Variants in MIER1 observed in about 807,000 individuals in gnomAD.
The protein encoded by MIER1 is MIER1 transcriptional regulator.
A neutral mutation model predicts 75.7 loss-of-function variants in MIER1; 40 were observed. The observed-to-expected ratio is 0.53, with a 90% CI of 0.41 to 0.69. The LOEUF is 0.69. Ranked by LOEUF, MIER1 falls within the 30% of genes least tolerant of loss-of-function variation. The pLI, the probability that MIER1 is intolerant of heterozygous loss-of-function variation, is 0.00. For synonymous variants in MIER1, 213 were observed against 223.4 expected, an observed-to-expected ratio of 0.95 and a Z score of 0.42; for missense variants, 574 against 680.2, an observed-to-expected ratio of 0.84 and a Z score of 1.74.
chr1:66,970,751 A>T (rs763780813), intron 8 of MIER1, 57 bp from the exon 9 acceptor site: 1 of 1,328,072 alleles, frequency 7.5e-7, no homozygotes, highest in Non-Finnish European at 1.0e-6. Flanking sequence ...AATATGTTTT[A>T]ACACAAACTC....
In MIER1 at chr1:66,987,612, C is replaced by G. The variant is rs1022522321; in HGVS notation, c.*2712C>G. The G allele has an allele frequency of 6.6e-6, 1 of 152,556 alleles. No individual in the cohort carries two copies. Among genetic ancestry groups the G allele is most frequent in the Non-Finnish European group, 1.5e-5 (1 of 67,990 alleles). The allele number at this position is 152,556 out of a possible 1,614,324, so 9.5% of individuals were successfully genotyped here. A position where few individuals can be genotyped will look rare whatever the true frequency, so the allele number is the denominator to read the frequency against. ...TTGCACTGTAAAATAATTCCCTTCT[C>G]CCATTCCTTGTCTGCCATTCTGAAT... is the stretch of plus-strand genomic sequence containing the variant. On this transcript the variant is annotated 3_prime_UTR_variant, in exon 14 of 14. Transcript: ENST00000401041.
At chr1:66,953,746 T>G (rs1659513669) in intron 4 of MIER1, among the ~76,000 whole-genome samples, 1 of 151,724 alleles carries the variant, frequency 6.6e-6, no homozygotes, top group Non-Finnish European at 1.5e-5. Context: ...TGGGATTACA[T>G]GCCCACACCA....
chr1:66,937,858 C>T (rs1655282999), intron 2 of MIER1, among the ~76,000 whole-genome samples: 1 of 152,146 alleles, frequency 6.6e-6, no homozygotes, highest in African/African-American at 2.4e-5. Context: ...AATCTAATCT[C>T]AATCCTACCC....
At chr1:66,967,696 T>G (rs890229828) in intron 8 of MIER1, among the ~76,000 whole-genome samples, 2 of 151,982 alleles carry the variant, frequency 1.3e-5, no homozygotes, top group Non-Finnish European at 2.9e-5. Context: ...TATTTTATAG[T>G]TGTCATTATG....
At position 66,976,625 on chromosome 1, in the gene MIER1, G is replaced by T; in HGVS notation, c.1132G>T (p.Ala378Ser). Residue 378 changes from alanine (A) to serine (S), a missense_variant, in exon 12 of 14, where the codon GCA becomes TCA. Physicochemically the swap from Ala to Ser is moderately conservative, Grantham distance 99. Coordinates refer to ENST00000401041, the MANE Select transcript of MIER1 (RefSeq NM_001077700.3). ...AACAAGGTCAGTTGGTGAATGTGTA[G>T]CATTCTATTACATGTGGAAAAAATC... ...VRTRSVGECV[A>S]FYYMWKKSER... 2.5e-6 allele frequency: 4 copies of T among 1,604,322 alleles called. No homozygotes were observed. Among genetic ancestry groups the T allele is most frequent in the Non-Finnish European group, 3.4e-6 (4 of 1,176,110 alleles).
In MIER1 at chr1:66,985,882, G is replaced by A; in HGVS notation, c.*982G>A. ...AGTAATTTGAGAATTCTGAAATTAA[G>A]CATGATGCTTAGATTGCAGTTTGTT... On this transcript the variant is annotated 3_prime_UTR_variant, in exon 14 of 14. Coordinates refer to ENST00000401041, the MANE Select transcript of MIER1 (RefSeq NM_001077700.3). 1 of 908,492 alleles carries A rather than the reference G, an allele frequency of 1.1e-6. No individual in the cohort carries two copies. The highest frequency in any genetic ancestry group is 1.3e-6 in the Non-Finnish European group (1 of 765,612). The allele number at this position is 908,492 out of a possible 1,614,324, so 56.3% of individuals were successfully genotyped here.
intron 4 of MIER1, among the ~76,000 whole-genome samples, chr1:66,953,528 TACTC>T (rs1279381474): frequency 6.6e-6 from 1 of 152,176 alleles, no homozygotes; most frequent in Non-Finnish European, 1.5e-5. Flanking sequence ...AAGCTGATAT[TACTC>T]ACTTGATATT....
At chr1:66,946,375 G>A (rs1657640756) in intron 4 of MIER1, 80 bp downstream of exon 4, 2 of 1,464,856 alleles carry the variant, frequency 1.4e-6, no homozygotes, top group East Asian at 2.5e-5. Context: ...TTGATTCTCT[G>A]ATTAGGAGAG....
At chr1:66,934,474 A>G (rs1654253055) in intron 2 of MIER1, among the ~76,000 whole-genome samples, 1 of 145,312 alleles carries the variant, frequency 6.9e-6, no homozygotes, top group Admixed American at 7.1e-5. Context: ...CGCAAATCAT[A>G]GCTCACTACA....
In MIER1 at chr1:66,988,130, T is replaced by TA. The variant is rs1453001421; in HGVS notation, c.*3231dup. ...TATTTACATGGGGTGTGTAACTAAA[T>TA]ACCAAATCAGATAGTAAGGTTTTCC... On this transcript the variant is annotated 3_prime_UTR_variant, in exon 14 of 14. Coordinates refer to ENST00000401041, the MANE Select transcript of MIER1 (RefSeq NM_001077700.3). 2 of 128,306 alleles carry TA rather than the reference T, an allele frequency of 1.6e-5. No individual in the cohort carries two copies. Among genetic ancestry groups the TA allele is most frequent in the Non-Finnish European group, 3.6e-5 (2 of 56,048 alleles). 7.9% of individuals were successfully genotyped at this position (128,306 alleles called of 1,614,324 possible). A position where few individuals can be genotyped will look rare whatever the true frequency, so the allele number is the denominator to read the frequency against.
At chr1:66,968,024 T>A (rs1043422360) in intron 8 of MIER1, among the ~76,000 whole-genome samples, 7 of 152,170 alleles carry the variant, frequency 4.6e-5, no homozygotes, top group Admixed American at 3.3e-4. Flanking sequence ...TTTTCATGGT[T>A]TAAATTCTAA....
chr1:66,939,616 C>A (rs1655698279), intron 2 of MIER1, among the ~76,000 whole-genome samples: 1 of 152,048 alleles, frequency 6.6e-6, no homozygotes, highest in South Asian at 2.1e-4. Flanking sequence ...TCCCATCTTA[C>A]ACTCACTTTT....
At chr1:66,945,747 T>C (rs1379998173) in intron 3 of MIER1, among the ~76,000 whole-genome samples, 1 of 152,112 alleles carries the variant, frequency 6.6e-6, no homozygotes, top group Non-Finnish European at 1.5e-5. Flanking sequence ...TAGTCCCAGC[T>C]ACTTTGGAGG....
At chr1:66,934,405 C>CTTT (rs34839262) in intron 2 of MIER1, among the ~76,000 whole-genome samples, 37 of 135,492 alleles carry the variant, frequency 2.7e-4, no homozygotes, top group East Asian at 1.1e-3. Flanking sequence ...TTCTTTCTTT[C>CTTT]TTTTTTTTTT....
At chr1:66,982,333 TTC>T (rs1195282634) in intron 13 of MIER1, among the ~76,000 whole-genome samples, 1 of 152,216 alleles carries the variant, frequency 6.6e-6, no homozygotes, top group African/African-American at 2.4e-5. Flanking sequence ...AATATTTAAG[TTC>T]TCTTTGATAG....
rs1417868243 is a variant in MIER1 at position 66,985,450 on chromosome 1, T to C, written c.*550T>C. ...TATGCTAGCATGATTTTTTTATATA[T>C]AGAAGTTTAAAAATAAACCAGGTCA... On this transcript the variant is annotated 3_prime_UTR_variant, in exon 14 of 14. Transcript: ENST00000401041. 3.1e-6 allele frequency: 3 copies of C among 983,160 alleles called. No homozygotes were observed. The highest frequency in any genetic ancestry group is 2.2e-4 in the East Asian group (2 of 8,960). 60.9% of individuals were successfully genotyped at this position (983,160 alleles called of 1,614,324 possible).
chr1:66,981,899 AAGC>A lies in MIER1; in HGVS notation c.1352_1354del (p.Ser451del). The A allele has an allele frequency of 6.2e-7, 1 of 1,614,014 alleles. No individual in the cohort carries two copies. Among genetic ancestry groups the A allele is most frequent in the Non-Finnish European group, 8.5e-7 (1 of 1,179,886 alleles). The stretch of plus-strand genomic sequence containing the variant: ...AGTCTGAGAAAGAAGATGGCACTGT[AAGC>A]ACTGCTAATCAAAATGGTAAGCAAC... On this transcript the variant is annotated inframe_deletion, in exon 13 of 14. Coordinates refer to ENST00000401041, the MANE Select transcript of MIER1 (RefSeq NM_001077700.3).
intron 2 of MIER1, among the ~76,000 whole-genome samples, chr1:66,934,711 T>C (rs926076125): frequency 1.3e-5 from 2 of 152,160 alleles, no homozygotes; most frequent in Non-Finnish European, 2.9e-5. Context: ...TTCTATGATA[T>C]CATTTTACTT....
At chr1:66,957,477 G>T (rs535823058) in intron 4 of MIER1, among the ~76,000 whole-genome samples, 7 of 152,078 alleles carry the variant, frequency 4.6e-5, no homozygotes, top group Admixed American at 6.5e-5. Flanking sequence ...ATGATAGATG[G>T]TAAGGATTTC....
Sources: gnomAD v4.1 joint callset for allele counts (sites outside exome capture counted in the v4.1 genomes callset) on GRCh38, gnomAD v4.1.1 for gene constraint, MANE v1.5 for transcripts, NCBI Gene and HGNC (gene_info 2026-07-23, HGNC 2026-07-21) for gene names.